Variants in NME6 observed in about 807,000 individuals in gnomAD.
NME6 encodes the protein nucleoside diphosphate kinase 6, mitochondrial.
Under a neutral mutation model 22.2 loss-of-function variants are expected in NME6, and 16 were observed. That is an observed-to-expected ratio of 0.72 (90% CI 0.49 to 1.09). The LOEUF is 1.09. NME6 is among the 50% of genes least tolerant of loss of function. The pLI is 0.00. For synonymous variants in NME6, 58 were observed against 85.2 expected (o/e 0.68, Z 1.76); for missense variants, 229 against 239.0 (o/e 0.96, Z 0.28).
downstream of NME6, among the ~76,000 whole-genome samples, chr3:48,289,482 G>A (rs1288629117): frequency 1.3e-5 from 2 of 152,134 alleles, no homozygotes; most frequent in East Asian, 1.9e-4. Context: ...GATGAAGGTC[G>A]CTTGGGCCAG....
rs1413201585 is a variant in NME6, at chr3:48,292,402, G to A, written c.*2235C>T. 4.6e-5 allele frequency: 7 copies of A among 152,144 alleles called. No homozygotes were observed. The highest frequency in any genetic ancestry group is 1.7e-4 in the African/African-American group (7 of 41,432). 9.4% of individuals were successfully genotyped at this position (152,144 alleles called of 1,614,324 possible). A position where few individuals can be genotyped will look rare whatever the true frequency, so the allele number is the denominator to read the frequency against. ...GGTTTTTATGAGACAATTTTATTGG[G>A]AGATAATTCTGTGTCTCTTGTGGGT... On this transcript the variant is annotated 3_prime_UTR_variant, in exon 6 of 6. Transcript: ENST00000442597.
At chr3:48,291,350 T>A, downstream of NME6, 1 of 473,096 alleles carries the variant, frequency 2.1e-6, no homozygotes, top group South Asian at 1.6e-5. Flanking sequence ...GGTCGCAGAC[T>A]TCCTTGTTTT....
intron 2 of NME6, chr3:48,298,036 C>G: frequency 3.6e-6 from 1 of 280,360 alleles, no homozygotes; most frequent in Non-Finnish European, 6.9e-6. Flanking sequence ...CCTGGTCAGC[C>G]AATACCTTGA....
In NME6 at chr3:48,296,934, T is replaced by C. The variant is rs2035175943; in HGVS notation, c.91-105A>G. The C allele has an allele frequency of 1.5e-5, 12 of 820,122 alleles. No individual in the cohort carries two copies. The Admixed American group carries it at 1.9e-4, about 13-fold the overall frequency. 50.8% of individuals were successfully genotyped at this position (820,122 alleles called of 1,614,324 possible). A position where few individuals can be genotyped will look rare whatever the true frequency, so the allele number is the denominator to read the frequency against. Reference sequence around the variant, plus strand: ...GCTCAGGACCTGAGGGTTTGTCCCATTGAAGGGTGAGAAGACGAGGTGGGG... The same window carrying C: ...GCTCAGGACCTGAGGGTTTGTCCCACTGAAGGGTGAGAAGACGAGGTGGGG... On this transcript the variant is annotated intron_variant, in intron 2 of 5. Coordinates refer to ENST00000442597, the MANE Select transcript of NME6 (RefSeq NM_001308426.2).
At chr3:48,295,052 A>T (rs2034916331) in intron 5 of NME6, 23 bp downstream of exon 5, 2 of 1,605,724 alleles carry the variant, frequency 1.2e-6, no homozygotes, top group Non-Finnish European at 1.7e-6. Context: ...AAAATATCCT[A>T]TGGCTATGGA....
intron 1 of NME6, chr3:48,300,661 T>A (rs1318749545): frequency 4.1e-6 from 1 of 245,520 alleles, no homozygotes; most frequent in African/African-American, 2.3e-5. Context: ...GTTCCTTTAC[T>A]AACGCAGCTA....
At position 48,295,124 on chromosome 3, in the gene NME6, G is replaced by C; in HGVS notation, c.345C>G (p.Ile115Met). ...FRARHVAPDS[I>M]RGSFGLTDTR... ...TGTCAGTGAGGCCGAAACTCCCACG[G>C]ATAGAATCTGGGGCCACATGGCGTG... is the stretch of plus-strand genomic sequence containing the variant. Residue 115 changes from isoleucine to methionine, a missense_variant, in exon 5 of 6, where the codon ATC (isoleucine) becomes ATG (methionine). Coordinates refer to ENST00000442597, the MANE Select transcript of NME6 (RefSeq NM_001308426.2). 6.2e-7 allele frequency: 1 copy of C among 1,614,206 alleles called. No homozygotes were observed. The highest frequency in any genetic ancestry group is 8.5e-7 in the Non-Finnish European group (1 of 1,180,036).
downstream of NME6, chr3:48,291,545 A>G (rs1156484191): frequency 5.8e-6 from 1 of 171,720 alleles, no homozygotes; most frequent in Non-Finnish European, 1.2e-5. Flanking sequence ...CACCCAGCTA[A>G]GTTTTTTATT....
downstream of NME6, among the ~76,000 whole-genome samples, chr3:48,289,414 GA>G (rs1424325926): frequency 1.3e-5 from 2 of 152,126 alleles, no homozygotes; most frequent in Non-Finnish European, 2.9e-5. Context: ...TGGATTGAGG[GA>G]GGGGGTGGAT....
intron 1 of NME6, chr3:48,300,166 C>T (rs768612451): frequency 4.5e-6 from 2 of 445,868 alleles, no homozygotes; most frequent in Non-Finnish European, 9.0e-6. Flanking sequence ...AAAATCTAAT[C>T]ATATGGTTCC....
chr3:48,301,315 G>A, intron 1 of NME6, 38 bp downstream of exon 1: 1 of 1,592,842 alleles, frequency 6.3e-7, no homozygotes, highest in Non-Finnish European at 8.5e-7. Flanking sequence ...TGGGTCATTC[G>A]GAGCCCCAGT....
intron 2 of NME6, 46 bp downstream of exon 2, chr3:48,298,381 T>C (rs2035328690): frequency 1.3e-6 from 2 of 1,533,316 alleles, no homozygotes; most frequent in Non-Finnish European, 9.0e-7. Flanking sequence ...CCTGAAGCAG[T>C]AGCAATTCCC....
chr3:48,300,431 C>G (rs2035572370), intron 1 of NME6: 1 of 435,376 alleles, frequency 2.3e-6, no homozygotes, highest in Non-Finnish European at 4.6e-6. Context: ...TCCTGCCCAC[C>G]TTAGTGATCT....
chr3:48,301,130 G>A, intron 1 of NME6: 1 of 741,830 alleles, frequency 1.3e-6, no homozygotes, highest in Non-Finnish European at 2.1e-6. Context: ...GAGGGCGGCG[G>A]CCCAGCCCTG....
chr3:48,288,242 A>G (rs1274297189), downstream of NME6, among the ~76,000 whole-genome samples: 1 of 151,924 alleles, frequency 6.6e-6, no homozygotes, highest in Non-Finnish European at 1.5e-5. Flanking sequence ...TTCGTCCAGC[A>G]TAATGGAGCA....
At chr3:48,298,579 T>G in intron 1 of NME6, 56 bp from the exon 2 acceptor site, 1 of 1,330,466 alleles carries the variant, frequency 7.5e-7, no homozygotes. Flanking sequence ...CAGCCTTCCC[T>G]ACATTGGAGC....
At chr3:48,291,208 T>A, downstream of NME6, 1 of 367,518 alleles carries the variant, frequency 2.7e-6, no homozygotes, top group South Asian at 2.3e-5. Flanking sequence ...CTGTGTAATA[T>A]ATTGGAAAAA....
chr3:48,301,179 C>T (rs34523942), intron 1 of NME6, 174 bp downstream of exon 1: 383,607 of 1,308,628 alleles, frequency 0.29, 58,593 homozygotes, highest in Middle Eastern at 0.32. Context: ...CCCCTACCCC[C>T]GTGGCCACGC....
chr3:48,297,373 A>T (rs2035226521), intron 2 of NME6: 1 of 152,978 alleles, frequency 6.5e-6, no homozygotes, highest in African/African-American at 2.4e-5. Flanking sequence ...TCTGTGCAAC[A>T]CCTGTCCTTC....
Sources: allele counts gnomAD v4.1 joint callset (sites outside exome capture counted in the v4.1 genomes callset), GRCh38; gene constraint gnomAD v4.1.1; transcripts MANE v1.5; gene names NCBI Gene and HGNC (gene_info 2026-07-23, HGNC 2026-07-21).